The following HNRNPF variants were observed in gnomAD, a reference collection of about 807,000 sequenced individuals.
HNRNPF encodes HnRNP F protein.
In HNRNPF, 2 loss-of-function variants were observed where a neutral mutation model predicts 26.0. That is an observed-to-expected ratio of 0.08 (90% CI 0.03 to 0.24). The LOEUF is 0.24. HNRNPF is among the 10% of genes least tolerant of loss of function. HNRNPF has a pLI of 1.00. For synonymous variants in HNRNPF, 234 were observed against 211.5 expected (o/e 1.11, Z -0.92); for missense variants, 299 against 539.2 (o/e 0.55, Z 4.41).
In HNRNPF at chr10:43,387,519, G is replaced by A. The variant is rs145814260; in HGVS notation, c.366C>T (p.Cys122=). 1.4e-5 allele frequency: 23 copies of A among 1,614,192 alleles called. No individual in the cohort carries two copies. The highest frequency in any genetic ancestry group is 3.3e-4 in the Middle Eastern group (2 of 6,062). Residue 122 remains cysteine (C), a synonymous_variant, in exon 4 of 4, where the codon TGC becomes TGT. Transcript: ENST00000682386. The surrounding 1 kb of genome is among the most constrained non-coding windows in gnomAD (Gnocchi z 6.0). ...FVRLRGLPFG[C]TKEEIVQFFS... ...AGAACTGAACAATTTCTTCCTTTGT[G>A]CATCCAAATGGGAGTCCTCGAAGCC...
At chr10:43,407,515 C>A (rs925442186) in intron 1 of HNRNPF, among the ~76,000 whole-genome samples, 2 of 152,068 alleles carry the variant, frequency 1.3e-5, no homozygotes, top group Admixed American at 1.3e-4. Context: ...CCTTGCTCCT[C>A]AAAACCCTGG....
intron 1 of HNRNPF, among the ~76,000 whole-genome samples, chr10:43,404,703 C>A (rs954959322): frequency 6.6e-6 from 1 of 152,000 alleles, no homozygotes; most frequent in Non-Finnish European, 1.5e-5. Flanking sequence ...ACTAAAAATA[C>A]CCCTGTAATC....
At chr10:43,393,089 A>C (rs1402458576) in intron 3 of HNRNPF, among the ~76,000 whole-genome samples, 1 of 151,456 alleles carries the variant, frequency 6.6e-6, no homozygotes, top group African/African-American at 2.4e-5. Context: ...ATCCTATTCA[A>C]CTCTTCCATT....
intron 3 of HNRNPF, among the ~76,000 whole-genome samples, chr10:43,388,634 G>A (rs1217121433): frequency 6.6e-6 from 1 of 152,234 alleles, no homozygotes; most frequent in African/African-American, 2.4e-5. Context: ...AACCAGATCA[G>A]ATGATTCACA....
In HNRNPF at chr10:43,386,785, G is replaced by C. The variant is rs771664728; in HGVS notation, c.1100C>G (p.Ala367Gly). ...CTGGCTGCTATACGCCCCATTGCTG[G>C]CCCCTGTTGTTGAATTCAAGAAGAG... The part of the protein sequence containing the change: ...IELFLNSTTG[A>G]SNGAYSSQVM... Residue 367 changes from alanine (A) to glycine (G), a missense_variant, in exon 4 of 4, where the codon GCC becomes GGC. Physicochemically the swap from Ala to Gly is moderately conservative, Grantham distance 60. Around this residue, in one of 6 missense-constraint regions of HNRNPF, gnomAD observed 53 missense variants for 72.4 expected, o/e 0.73. Transcript: ENST00000682386. The C allele has an allele frequency of 9.9e-6, 16 of 1,614,018 alleles. 1 individual carries two copies. The highest frequency in any genetic ancestry group is 6.6e-5 in the South Asian group (6 of 91,086).
chr10:43,396,556 C>G lies in HNRNPF; in HGVS notation c.-212G>C, dbSNP rs1368988757. 4 of 152,246 alleles carry G rather than the reference C, an allele frequency of 2.6e-5. No homozygotes were observed. The highest frequency in any genetic ancestry group is 9.6e-5 in the African/African-American group (4 of 41,462). 9.4% of individuals were successfully genotyped at this position (152,246 alleles called of 1,614,324 possible). A position where few individuals can be genotyped will look rare whatever the true frequency, so the allele number is the denominator to read the frequency against. ...CGAAGCTCAACCACGCAGAGGGCTC[C>G]GGGGAAACTCCAGGTGCATGTTTTT... On this transcript the variant is annotated 5_prime_UTR_variant, in exon 2 of 4. Coordinates refer to ENST00000682386, the MANE Select transcript of HNRNPF (RefSeq NM_001098204.2).
intron 3 of HNRNPF, among the ~76,000 whole-genome samples, chr10:43,390,143 G>C (rs536278305): frequency 6.6e-6 from 1 of 152,156 alleles, no homozygotes; most frequent in East Asian, 1.9e-4. Flanking sequence ...TCCTGTCCAC[G>C]GAGGGAATTC....
At chr10:43,407,524 G>C (rs1838965021) in intron 1 of HNRNPF, among the ~76,000 whole-genome samples, 1 of 152,134 alleles carries the variant, frequency 6.6e-6, no homozygotes, top group East Asian at 1.9e-4. Context: ...TCAAAACCCT[G>C]GTCCACGACT....
At chr10:43,408,321 C>A (rs1190506468) in intron 1 of HNRNPF, among the ~76,000 whole-genome samples, 1 of 152,200 alleles carries the variant, frequency 6.6e-6, no homozygotes, top group Non-Finnish European at 1.5e-5. Flanking sequence ...CGGTGCTCAC[C>A]GCGTGGGACC....
chr10:43,405,430 G>A (rs1298766135), intron 1 of HNRNPF, among the ~76,000 whole-genome samples: 5 of 152,194 alleles, frequency 3.3e-5, no homozygotes, highest in Non-Finnish European at 7.3e-5. Context: ...GCCGAGGCCG[G>A]CGGATCACGA....
chr10:43,394,456 A>G (rs976020663), intron 3 of HNRNPF, among the ~76,000 whole-genome samples, 174 bp downstream of exon 3: 5 of 152,200 alleles, frequency 3.3e-5, no homozygotes, highest in Non-Finnish European at 7.3e-5. Flanking sequence ...TCCATTTCTC[A>G]GAAGTCCTAA....
In HNRNPF at chr10:43,387,926, C is replaced by T. The variant is rs1838093260; in HGVS notation, c.-42G>A. ...GGGTGTCAGGTGATCTTGGGTGTGG[C>T]TTTTTTGTGGCTGGAAAAAAAAAAA... On this transcript the variant is annotated 5_prime_UTR_variant, in exon 4 of 4. Coordinates refer to ENST00000682386, the MANE Select transcript of HNRNPF (RefSeq NM_001098204.2). This position sits in a 1 kb window ranked among gnomAD's most constrained non-coding sequence, Gnocchi z 6.0. The T allele has an allele frequency of 4.7e-6, 7 of 1,474,986 alleles. No homozygotes were observed. The highest frequency in any genetic ancestry group is 2.7e-5 in the South Asian group (2 of 74,806). The allele number at this position is 1,474,986 out of a possible 1,614,324, so 91.4% of individuals were successfully genotyped here. A position where few individuals can be genotyped will look rare whatever the true frequency, so the allele number is the denominator to read the frequency against.
At chr10:43,402,004 C>T (rs4646975) in intron 1 of HNRNPF, among the ~76,000 whole-genome samples, 27,437 of 151,854 alleles carry the variant, frequency 0.18, 2,673 homozygotes, top group Non-Finnish European at 0.2. Context: ...AGAGGGGCTC[C>T]GGCACCCAGA....
intron 1 of HNRNPF, among the ~76,000 whole-genome samples, chr10:43,405,622 C>G (rs941964670): frequency 6.6e-6 from 1 of 151,586 alleles, no homozygotes; most frequent in African/African-American, 2.4e-5. Flanking sequence ...TGCCACTGCA[C>G]TCCAGCCTGG....
chr10:43,398,384 C>T (rs1293950204), intron 1 of HNRNPF, among the ~76,000 whole-genome samples: 12 of 149,086 alleles, frequency 8.0e-5, no homozygotes, highest in African/African-American at 2.5e-4. Context: ...CTCTGTTGCC[C>T]GGGCTGGAGT....
intron 1 of HNRNPF, among the ~76,000 whole-genome samples, chr10:43,405,904 G>A (rs772959822): frequency 5.3e-5 from 8 of 152,022 alleles, no homozygotes; most frequent in African/African-American, 1.2e-4. Flanking sequence ...GTAGCTCAGG[G>A]CAACTAAGAC....
chr10:43,390,602 C>T (rs1838204574), intron 3 of HNRNPF, among the ~76,000 whole-genome samples: 1 of 152,154 alleles, frequency 6.6e-6, no homozygotes, highest in Non-Finnish European at 1.5e-5. Context: ...TCTTCATAAT[C>T]CAGCTTAGAG....
chr10:43,403,551 G>A (rs1273113559), intron 1 of HNRNPF, among the ~76,000 whole-genome samples: 1 of 152,120 alleles, frequency 6.6e-6, no homozygotes, highest in Non-Finnish European at 1.5e-5. Flanking sequence ...TATATAAAGC[G>A]ATATTATGAC....
chr10:43,403,613 C>T (rs764261697), intron 1 of HNRNPF, among the ~76,000 whole-genome samples: 1 of 152,216 alleles, frequency 6.6e-6, no homozygotes, highest in Non-Finnish European at 1.5e-5. Context: ...AACTCAATCA[C>T]TGCAATTTCT....
Sources: allele counts gnomAD v4.1 joint callset (sites outside exome capture counted in the v4.1 genomes callset), GRCh38; gene constraint gnomAD v4.1.1; regional missense constraint gnomAD v4.1.1; non-coding constraint Gnocchi (gnomAD v3.1); transcripts MANE v1.5; gene names NCBI Gene and HGNC (gene_info 2026-07-23, HGNC 2026-07-21).